The following MNS1 variants were observed in gnomAD, a reference collection of about 807,000 sequenced individuals.
The protein encoded by MNS1 is meiosis-specific nuclear structural protein 1.
In MNS1, 63 loss-of-function variants were observed where a neutral mutation model predicts 72.0. The ratio of observed to expected loss-of-function variants is 0.87; its 90% CI spans 0.71 to 1.08. The LOEUF is 1.08. Among genes scored for constraint, MNS1 ranks in the 50% least tolerant of loss-of-function variants. The probability of loss-of-function intolerance (pLI) is 0.00; values close to 1 mark genes in which losing one functional copy is unlikely to be tolerated. For missense variants in MNS1, 604 were observed against 562.4 expected, an observed-to-expected ratio of 1.07 and a Z score of -0.75; for synonymous variants, 188 against 172.1, an observed-to-expected ratio of 1.09 and a Z score of -0.72.
chr15:56,438,912 CTCT>C (rs772353302), intron 7 of MNS1, among the ~76,000 whole-genome samples: 26 of 152,106 alleles, frequency 1.7e-4, no homozygotes, highest in Non-Finnish European at 3.5e-4. Flanking sequence ...ACTCTCATCA[CTCT>C]TCTTCAACAT....
At chr15:56,434,964 A>T (rs550804253) in intron 7 of MNS1, among the ~76,000 whole-genome samples, 39 of 152,238 alleles carry the variant, frequency 2.6e-4, no homozygotes, top group African/African-American at 9.1e-4. Flanking sequence ...GTCCTTTCCT[A>T]TAAGCTTTTA....
At position 56,434,141 on chromosome 15, in the gene MNS1, G is replaced by T. The variant is rs764180946; in HGVS notation, c.1266C>A (p.Asp422Glu). The T allele has an allele frequency of 1.9e-5, 31 of 1,606,818 alleles. No homozygotes were observed. The highest frequency in any genetic ancestry group is 2.5e-5 in the Non-Finnish European group (29 of 1,177,630). Reference protein sequence around the residue: ...IEERRQQFLADKQRELEEWQL... With the variant: ...IEERRQQFLAEKQRELEEWQL... ...AAACCCCACAACTTTTTCTTACTTT[G>T]TCTGCAAGGAATTGTTGGCGACGCT... The change falls in exon 8 of 10, where the codon GAC (aspartate) becomes GAA (glutamate). Residue 422 changes from aspartate (D) to glutamate (E), a missense_variant. Asp to Glu is a conservative substitution (Grantham distance 45). Transcript: ENST00000260453.
chr15:56,437,062 C>A (rs1445493144), intron 7 of MNS1, among the ~76,000 whole-genome samples: 1 of 152,098 alleles, frequency 6.6e-6, no homozygotes, highest in Non-Finnish European at 1.5e-5. Context: ...GAAACTATTC[C>A]AATCAATAGA....
At chr15:56,444,301 C>T in intron 5 of MNS1, 143 bp downstream of exon 5, 2 of 639,328 alleles carry the variant, frequency 3.1e-6, no homozygotes, top group Middle Eastern at 4.3e-4. Flanking sequence ...GGAGTTGGTC[C>T]CAATTTATGT....
Position 56,464,024 on chromosome 15 carries a change from AC to A in MNS1, c.225+1del, listed in dbSNP as rs761458964. On this transcript the variant is annotated splice_donor_variant, in intron 2 of 9. Coordinates refer to ENST00000260453, the MANE Select transcript of MNS1 (RefSeq NM_018365.4). LOFTEE classifies it high-confidence loss of function. ...AAAGTAACAATGAATAGTAAAACTT[AC>A]CTTTTGAATGGCCTCTTCCATATCC... is the stretch of plus-strand genomic sequence containing the variant. The A allele has an allele frequency of 1.1e-5, 17 of 1,601,998 alleles. No individual in the cohort carries two copies. Among genetic ancestry groups the A allele is most frequent in the Non-Finnish European group, 1.4e-5 (17 of 1,175,152 alleles).
chr15:56,452,522 C>CT lies in MNS1; in HGVS notation c.353+3871dup, dbSNP rs200065158. On this transcript the variant is annotated intron_variant, in intron 3 of 9. Coordinates refer to ENST00000260453, the MANE Select transcript of MNS1 (RefSeq NM_018365.4). ...CCATATTGTTTTGTTTTCTTTTTTT[C>CT]TTTTTTTTTTTTTTGAGACAGAGTC... 4.1e-3 allele frequency among the ~76,000 whole-genome samples: 568 copies of CT among 138,860 alleles called. 4 individuals carry two copies. The highest frequency in any genetic ancestry group is 0.023 in the South Asian group (103 of 4,396). The allele number at this position is 138,860 out of a possible 152,430, so 91.1% of individuals were successfully genotyped here.
chr15:56,458,203 T>C (rs2050993286), intron 2 of MNS1, among the ~76,000 whole-genome samples: 1 of 152,204 alleles, frequency 6.6e-6, no homozygotes, highest in Non-Finnish European at 1.5e-5. Flanking sequence ...TAGCATAAAA[T>C]TCACCTTTTA....
intron 2 of MNS1, among the ~76,000 whole-genome samples, chr15:56,463,172 A>G (rs2051033710): frequency 6.6e-6 from 1 of 152,024 alleles, no homozygotes; most frequent in Admixed American, 6.5e-5. Context: ...CTTTTCTACC[A>G]CCTTAATCCC....
rs1363289547 is a variant in MNS1, at chr15:56,431,456, C to T, written c.1312G>A (p.Gly438Arg). 19 of 1,613,572 alleles carry T rather than the reference C, an allele frequency of 1.2e-5. No individual in the cohort carries two copies. The highest frequency in any genetic ancestry group is 1.6e-5 in the Non-Finnish European group (19 of 1,179,864). Reference protein sequence around the residue: ...EEWQLQQRRQGFINAIIEEER... With the variant: ...EEWQLQQRRQRFINAIIEEER... ...TCTTCAATAATTGCATTAATAAATC[C>T]TTGCCGCCTTTGCTGCAACTGCCAC... Residue 438 changes from glycine to arginine, a missense_variant, in exon 9 of 10, where the codon GGA (glycine) becomes AGA (arginine). Gly to Arg is a moderately radical substitution (Grantham distance 125). Coordinates refer to ENST00000260453, the MANE Select transcript of MNS1 (RefSeq NM_018365.4).
chr15:56,457,560 C>G (rs1199654585), intron 2 of MNS1, among the ~76,000 whole-genome samples: 3 of 152,140 alleles, frequency 2.0e-5, no homozygotes, highest in African/African-American at 7.2e-5. Context: ...CTGTGGCTTA[C>G]ACGTGTAATC....
chr15:56,437,381 T>C (rs1020091577), intron 7 of MNS1, among the ~76,000 whole-genome samples: 10 of 152,224 alleles, frequency 6.6e-5, no homozygotes, highest in African/African-American at 1.7e-4. Flanking sequence ...ATTATCTCAA[T>C]AGATGCAAAA....
chr15:56,439,829 AT>A (rs2050789533), intron 7 of MNS1, among the ~76,000 whole-genome samples: 1 of 151,988 alleles, frequency 6.6e-6, no homozygotes, highest in African/African-American at 2.4e-5. Flanking sequence ...AAATTCTTCA[AT>A]AACTAGGCGA....
At chr15:56,458,535 G>A (rs1225059378) in intron 2 of MNS1, among the ~76,000 whole-genome samples, 5 of 151,464 alleles carry the variant, frequency 3.3e-5, no homozygotes, top group African/African-American at 1.2e-4. Context: ...ATGGGTTTTG[G>A]CAATGCATAA....
At chr15:56,449,654 T>C (rs1468402411) in intron 3 of MNS1, among the ~76,000 whole-genome samples, 1 of 152,142 alleles carries the variant, frequency 6.6e-6, no homozygotes, top group Non-Finnish European at 1.5e-5. Flanking sequence ...GGTGTTACTT[T>C]GTCCTGAATG....
At chr15:56,436,995 T>A (rs946071462) in intron 7 of MNS1, among the ~76,000 whole-genome samples, 3 of 152,120 alleles carry the variant, frequency 2.0e-5, no homozygotes, top group Non-Finnish European at 4.4e-5. Context: ...CAGGACCAGA[T>A]GGATTCACAG....
At chr15:56,433,263 G>C (rs77243098) in intron 8 of MNS1, among the ~76,000 whole-genome samples, 3 of 151,060 alleles carry the variant, frequency 2.0e-5, no homozygotes, top group African/African-American at 4.9e-5. Context: ...GTCGGGGGGT[G>C]GGGGGGACAA....
At chr15:56,431,078 C>T (rs945979530) in intron 9 of MNS1, among the ~76,000 whole-genome samples, 5 of 152,082 alleles carry the variant, frequency 3.3e-5, no homozygotes, top group South Asian at 2.1e-4. Context: ...GGAGAATCAC[C>T]GGGAGGCAGA....
chr15:56,444,082 C>T (rs1181725098), intron 5 of MNS1, among the ~76,000 whole-genome samples: 5 of 152,004 alleles, frequency 3.3e-5, no homozygotes, highest in Admixed American at 2.0e-4. Flanking sequence ...TTTTATGCAT[C>T]TTATTTCATA....
At chr15:56,429,261 G>A in intron 9 of MNS1, 68 bp from the exon 10 acceptor site, 1 of 995,824 alleles carries the variant, frequency 1.0e-6, no homozygotes, top group South Asian at 1.5e-5. Flanking sequence ...TTTTAAGACT[G>A]ACAGACATAA....
Sources: allele counts gnomAD v4.1 joint callset (sites outside exome capture counted in the v4.1 genomes callset), GRCh38; gene constraint gnomAD v4.1.1; transcripts MANE v1.5; gene names NCBI Gene and HGNC (gene_info 2026-07-23, HGNC 2026-07-21).